BRINP3: variants seen among roughly 807,000 people sequenced by gnomAD.
BRINP3 encodes the protein BMP/retinoic acid-inducible neural-specific protein 3.
A neutral mutation model predicts 71.0 loss-of-function variants in BRINP3; 19 were observed. That is an observed-to-expected ratio of 0.27 (90% CI 0.19 to 0.39). The LOEUF (loss-of-function observed/expected upper bound fraction) is 0.39, where lower values mean the gene tolerates loss of function less well. Among genes scored for constraint, BRINP3 ranks in the 10% least tolerant of loss-of-function variants. The probability of loss-of-function intolerance (pLI) is 1.00; values close to 1 mark genes in which losing one functional copy is unlikely to be tolerated. For missense variants in BRINP3, 959 were observed against 940.8 expected (o/e 1.02, Z -0.25); for synonymous variants, 380 against 337.7 (o/e 1.13, Z -1.37).
intron 2 of BRINP3, among the ~76,000 whole-genome samples, chr1:190,362,878 A>G (rs1316450528): frequency 6.6e-6 from 1 of 152,124 alleles, no homozygotes; most frequent in Non-Finnish European, 1.5e-5. Flanking sequence ...TTACCCAGTG[A>G]TGGGTATGTC....
At chr1:190,417,315 A>C (rs1673073093) in intron 2 of BRINP3, among the ~76,000 whole-genome samples, 1 of 152,178 alleles carries the variant, frequency 6.6e-6, no homozygotes, top group Non-Finnish European at 1.5e-5. Context: ...TTCTCCTTGA[A>C]GAAAGATCAA....
intron 2 of BRINP3, among the ~76,000 whole-genome samples, chr1:190,433,314 C>A (rs1207545475): frequency 6.6e-6 from 1 of 152,168 alleles, no homozygotes; most frequent in Non-Finnish European, 1.5e-5. Context: ...TGATCTCCCA[C>A]TGCATTTGGA....
At chr1:190,157,121 C>T (rs1656939505) in intron 7 of BRINP3, among the ~76,000 whole-genome samples, 1 of 151,690 alleles carries the variant, frequency 6.6e-6, no homozygotes, top group Non-Finnish European at 1.5e-5. Context: ...TTCCTCCATT[C>T]CCCCAATATT....
At chr1:190,350,901 C>A (rs1047347824) in intron 2 of BRINP3, among the ~76,000 whole-genome samples, 5 of 150,904 alleles carry the variant, frequency 3.3e-5, no homozygotes, top group Non-Finnish European at 7.4e-5. Flanking sequence ...TGGCTCACAG[C>A]AACCTCCGTC....
intron 2 of BRINP3, among the ~76,000 whole-genome samples, chr1:190,384,334 AT>A (rs1670744322): frequency 6.6e-6 from 1 of 151,748 alleles, no homozygotes; most frequent in Admixed American, 6.6e-5. Flanking sequence ...TAAGACATAC[AT>A]TTTGCTTCTA....
intron 2 of BRINP3, among the ~76,000 whole-genome samples, chr1:190,381,441 T>C (rs1670543871): frequency 6.6e-6 from 1 of 152,204 alleles, no homozygotes. Flanking sequence ...ATTTTTATAA[T>C]GAGGTATAAT....
rs116079308 is a variant in BRINP3, at chr1:190,331,558, G to C, written c.237-49808C>G. Among the ~76,000 whole-genome samples, 482 of 152,070 alleles carry C rather than the reference G, an allele frequency of 3.2e-3. 1 individual carries two copies. Among genetic ancestry groups the C allele is most frequent in the African/African-American group, 0.011 (463 of 41,510 alleles). ...GAAAGCACATAATTATTTGTAGTAC[G>C]AGGTGGCCATGTGACTGATTTTTGC... On this transcript the variant is annotated intron_variant, in intron 2 of 7. Transcript: ENST00000367462.
chr1:190,393,208 CATGT>C (rs1453998210), intron 2 of BRINP3, among the ~76,000 whole-genome samples: 3 of 151,534 alleles, frequency 2.0e-5, no homozygotes, highest in African/African-American at 7.3e-5. Flanking sequence ...CATATGCATG[CATGT>C]ATTTAAATAC....
intron 7 of BRINP3, among the ~76,000 whole-genome samples, chr1:190,104,969 T>A (rs1652025028): frequency 6.6e-6 from 1 of 152,146 alleles, no homozygotes; most frequent in Non-Finnish European, 1.5e-5. Context: ...ATGGTTAGGC[T>A]ATTTTATTTC....
At chr1:190,452,395 T>C (rs1355407691) in intron 2 of BRINP3, among the ~76,000 whole-genome samples, 3 of 152,182 alleles carry the variant, frequency 2.0e-5, no homozygotes, top group African/African-American at 7.2e-5. Flanking sequence ...GGTAAAGACA[T>C]AGTAAGGATA....
intron 4 of BRINP3, among the ~76,000 whole-genome samples, chr1:190,259,367 T>C (rs991441258): frequency 6.6e-6 from 1 of 151,554 alleles, no homozygotes; most frequent in African/African-American, 2.4e-5. Context: ...ATAAATCATG[T>C]AAATAGAATT....
At chr1:190,119,734 T>C (rs999978682) in intron 7 of BRINP3, among the ~76,000 whole-genome samples, 1 of 152,218 alleles carries the variant, frequency 6.6e-6, no homozygotes, top group Admixed American at 6.5e-5. Context: ...AATGATGAGA[T>C]GTAATTGTAT....
At chr1:190,160,525 G>T in intron 7 of BRINP3, 143 bp downstream of exon 7, 1 of 599,244 alleles carries the variant, frequency 1.7e-6, no homozygotes, top group Non-Finnish European at 2.8e-6. Flanking sequence ...TATTATTTGA[G>T]ACAATATATT....
chr1:190,125,660 A>G (rs868800380), intron 7 of BRINP3, among the ~76,000 whole-genome samples: 1 of 152,060 alleles, frequency 6.6e-6, no homozygotes, highest in African/African-American at 2.4e-5. Flanking sequence ...AGCAGAGACT[A>G]TAACTTGTGT....
At position 190,281,731 on chromosome 1, in the gene BRINP3, C is replaced by T; in HGVS notation, c.256G>A (p.Val86Ile). 6.2e-7 allele frequency: 1 copy of T among 1,610,078 alleles called. No individual in the cohort carries two copies. Among genetic ancestry groups the T allele is most frequent in the Non-Finnish European group, 8.5e-7 (1 of 1,178,474 alleles). ...CTTCTCTCAACTGCAAGGTTATTTACTTTCCAGCGGCCAAACTCCCTGAAA... is the reference window on the plus strand; with the variant it reads ...CTTCTCTCAACTGCAAGGTTATTTATTTTCCAGCGGCCAAACTCCCTGAAA... ...KIYREFGRWKVNNLAVERRNF... is the reference protein window; with the variant it reads ...KIYREFGRWKINNLAVERRNF... Residue 86 changes from valine (V) to isoleucine (I), a missense_variant, in exon 3 of 8, where the codon GTA becomes ATA. Physicochemically the swap from Val to Ile is conservative, Grantham distance 29 (BLOSUM62 3). Transcript: ENST00000367462.
chr1:190,271,751 C>T (rs1377526492), intron 3 of BRINP3, among the ~76,000 whole-genome samples: 2 of 151,532 alleles, frequency 1.3e-5, no homozygotes, highest in African/African-American at 4.8e-5. Context: ...TATGTCTTTG[C>T]TTTTCAGGTA....
chr1:190,113,937 T>C (rs546049308), intron 7 of BRINP3, among the ~76,000 whole-genome samples: 1 of 152,336 alleles, frequency 6.6e-6, no homozygotes, highest in South Asian at 2.1e-4. Flanking sequence ...TTCAACAGTC[T>C]ACATTCTACC....
intron 1 of BRINP3, among the ~76,000 whole-genome samples, chr1:190,472,561 A>G (rs1020945251): frequency 2.0e-5 from 3 of 151,808 alleles, no homozygotes; most frequent in African/African-American, 7.2e-5. Context: ...TTGCTAAATT[A>G]CAAAATGTTT....
At chr1:190,376,495 G>C (rs1383430081) in intron 2 of BRINP3, among the ~76,000 whole-genome samples, 1 of 151,988 alleles carries the variant, frequency 6.6e-6, no homozygotes, top group Non-Finnish European at 1.5e-5. Context: ...CATTTTAAAT[G>C]TGGAAGACGC....
Sources: allele counts gnomAD v4.1 joint callset (sites outside exome capture counted in the v4.1 genomes callset), GRCh38; gene constraint gnomAD v4.1.1; transcripts MANE v1.5; gene names NCBI Gene and HGNC (gene_info 2026-07-23, HGNC 2026-07-21).